C8orf34: variants seen among roughly 807,000 people sequenced by gnomAD.
C8orf34 encodes uncharacterized protein C8orf34.
In C8orf34, 65 loss-of-function variants were observed where a neutral mutation model predicts 68.3. That is an observed-to-expected ratio of 0.95 (90% CI 0.78 to 1.17). C8orf34 has a LOEUF of 1.17. C8orf34 is among the 50% of genes most tolerant of loss of function. C8orf34 has a pLI of 0.00. For synonymous variants in C8orf34, 244 were observed against 241.2 expected (o/e 1.01, Z -0.11); for missense variants, 664 against 655.4 (o/e 1.01, Z -0.14).
At chr8:68,532,777 G>C (rs1815302320) in intron 6 of C8orf34, among the ~76,000 whole-genome samples, 1 of 152,046 alleles carries the variant, frequency 6.6e-6, no homozygotes, top group African/African-American at 2.4e-5. Context: ...CCTCTTAAGT[G>C]AGCCAAATTT....
At chr8:68,447,480 C>T (rs952636038) in intron 3 of C8orf34, 1 of 152,170 alleles carries the variant, frequency 6.6e-6, no homozygotes, top group Admixed American at 6.5e-5. Flanking sequence ...TCTCAGGAGC[C>T]TCTAGCAAAT....
intron 1 of C8orf34, among the ~76,000 whole-genome samples, chr8:68,366,333 T>G: frequency 7.3e-6 from 1 of 137,266 alleles, no homozygotes; most frequent in Non-Finnish European, 1.5e-5. Context: ...CAAGGTAATT[T>G]ATAGATTCAA....
chr8:68,745,528 G>C (rs540996793), intron 10 of C8orf34, among the ~76,000 whole-genome samples: 1 of 152,226 alleles, frequency 6.6e-6, no homozygotes, highest in South Asian at 2.1e-4. Context: ...CAAAATAAAA[G>C]AATGGAGGAA....
At chr8:68,745,975 A>T (rs1043477681) in intron 10 of C8orf34, among the ~76,000 whole-genome samples, 1 of 152,164 alleles carries the variant, frequency 6.6e-6, no homozygotes, top group Non-Finnish European at 1.5e-5. Context: ...AATTGACCAC[A>T]TACTTGGAAG....
chr8:68,512,685 C>T (rs890379933), intron 5 of C8orf34, among the ~76,000 whole-genome samples: 2 of 151,614 alleles, frequency 1.3e-5, no homozygotes, highest in African/African-American at 4.8e-5. Context: ...AGAATTCTTC[C>T]ACCACTTGTT....
At chr8:68,425,057 A>G (rs979234012) in intron 1 of C8orf34, among the ~76,000 whole-genome samples, 1 of 152,222 alleles carries the variant, frequency 6.6e-6, no homozygotes, top group Non-Finnish European at 1.5e-5. Context: ...TGATGCAAAA[A>G]TAAAATCATT....
chr8:68,784,613 T>C (rs1297375984), intron 11 of C8orf34, among the ~76,000 whole-genome samples: 1 of 152,204 alleles, frequency 6.6e-6, no homozygotes, highest in Non-Finnish European at 1.5e-5. Context: ...TCTCATCCAT[T>C]CATTTATTTA....
chr8:68,343,805 G>C (rs186045884), intron 1 of C8orf34, among the ~76,000 whole-genome samples: 69 of 152,130 alleles, frequency 4.5e-4, no homozygotes, highest in Middle Eastern at 3.4e-3. Flanking sequence ...TGTTGGTTAG[G>C]CTAGTCTCGA....
chr8:68,476,497 A>C (rs1812623058), intron 4 of C8orf34, among the ~76,000 whole-genome samples: 1 of 152,198 alleles, frequency 6.6e-6, no homozygotes, highest in Non-Finnish European at 1.5e-5. Flanking sequence ...AAAGGCCAAA[A>C]GGATGACTAA....
chr8:68,772,466 G>A (rs573259736), intron 10 of C8orf34, among the ~76,000 whole-genome samples: 4 of 152,194 alleles, frequency 2.6e-5, no homozygotes, highest in African/African-American at 7.2e-5. Flanking sequence ...CCAGGGGACC[G>A]ACAAGAGCCT....
intron 1 of C8orf34, among the ~76,000 whole-genome samples, chr8:68,362,880 C>A (rs1807071431): frequency 7.1e-6 from 1 of 140,482 alleles, no homozygotes; most frequent in Admixed American, 7.4e-5. Context: ...AGCAACAGAA[C>A]AAAGCTGGAT....
intron 8 of C8orf34, among the ~76,000 whole-genome samples, chr8:68,703,168 A>T (rs747430789): frequency 6.6e-6 from 1 of 152,166 alleles, no homozygotes; most frequent in Non-Finnish European, 1.5e-5. Flanking sequence ...ACGCACATGT[A>T]CTAGGTACTA....
intron 7 of C8orf34, among the ~76,000 whole-genome samples, chr8:68,599,291 CA>C (rs1817630725): frequency 6.6e-6 from 1 of 151,896 alleles, no homozygotes; most frequent in African/African-American, 2.4e-5. Context: ...GTCAAGATTT[CA>C]ATATAGTTAT....
At chr8:68,711,156 G>A (rs1199233332) in intron 9 of C8orf34, among the ~76,000 whole-genome samples, 1 of 152,234 alleles carries the variant, frequency 6.6e-6, no homozygotes, top group African/African-American at 2.4e-5. Context: ...AGGGACAAAA[G>A]AATCTGAACA....
intron 7 of C8orf34, chr8:68,534,476 C>G: frequency 3.3e-6 from 2 of 597,450 alleles, no homozygotes; most frequent in Non-Finnish European, 4.2e-6. Flanking sequence ...AGATACAATA[C>G]GTCACTACCT....
At chr8:68,605,710 G>T (rs1817834565) in intron 7 of C8orf34, among the ~76,000 whole-genome samples, 2 of 152,126 alleles carry the variant, frequency 1.3e-5, no homozygotes, top group Admixed American at 1.3e-4. Context: ...GTGTTTGCCA[G>T]GGCTTGAGGA....
intron 1 of C8orf34, among the ~76,000 whole-genome samples, chr8:68,408,149 A>G (rs1294727628): frequency 6.6e-6 from 1 of 151,902 alleles, no homozygotes; most frequent in Non-Finnish European, 1.5e-5. Flanking sequence ...TTCTCCCAGG[A>G]GCAGGAACCC....
rs200035591 is a variant in C8orf34 at position 68,439,485 on chromosome 8, T to C, written c.328-14T>C. On this transcript the variant is annotated splice_polypyrimidine_tract_variant and intron_variant, in intron 1 of 13. Coordinates refer to ENST00000518698, the MANE Select transcript of C8orf34 (RefSeq NM_052958.4). ...TATTATTAATTATAATTGTGTGCTC[T>C]ATTCTGCCTTCAGGAATTAATGACC... 1.7e-5 allele frequency: 27 copies of C among 1,609,772 alleles called. No individual in the cohort carries two copies. Among genetic ancestry groups the C allele is most frequent in the Non-Finnish European group, 6.8e-6 (8 of 1,178,548 alleles).
chr8:68,740,155 A>G (rs1406415125), intron 10 of C8orf34, among the ~76,000 whole-genome samples: 1 of 152,212 alleles, frequency 6.6e-6, no homozygotes. Context: ...AAAATTCTGG[A>G]AGACAACCTA....
Sources: allele counts gnomAD v4.1 joint callset (sites outside exome capture counted in the v4.1 genomes callset), GRCh38; gene constraint gnomAD v4.1.1; transcripts MANE v1.5; gene names NCBI Gene and HGNC (gene_info 2026-07-23, HGNC 2026-07-21).